Variants in SLC41A1 observed in about 807,000 individuals in gnomAD.
The protein encoded by SLC41A1 is solute carrier family 41 (magnesium transporter), member 1.
A neutral mutation model predicts 47.3 loss-of-function variants in SLC41A1; 20 were observed. The observed-to-expected ratio is 0.42, with a 90% CI of 0.30 to 0.61. The LOEUF (loss-of-function observed/expected upper bound fraction) is 0.61. Ranked by LOEUF, SLC41A1 falls within the 20% of genes least tolerant of loss-of-function variation. The pLI is 0.17. For missense variants in SLC41A1, 504 were observed against 674.1 expected (o/e 0.75, Z 2.79); for synonymous variants, 282 against 272.7 (o/e 1.03, Z -0.34).
In SLC41A1 at chr1:205,795,006, C is replaced by T. The variant is rs1055919390; in HGVS notation, c.1220G>A (p.Arg407His). Residue 407 changes from arginine to histidine, a missense_variant, in exon 10 of 11, where the codon CGC (arginine) becomes CAC (histidine). Transcript: ENST00000367137. ...GAGGAGGAAGAGGACCCGGGCTGAG[C>T]GAGAATTCACATCTGGAATTGGGGA... ...TTFFSPDVNS[R>H]SARVLFLLVV... 6.2e-6 allele frequency: 10 copies of T among 1,613,792 alleles called. No individual in the cohort carries two copies. Among genetic ancestry groups the T allele is most frequent in the Non-Finnish European group, 8.5e-6 (10 of 1,179,962 alleles).
intron 1 of SLC41A1, 81 bp from the exon 2 acceptor site, chr1:205,811,168 A>G (rs1656146586): frequency 6.5e-6 from 1 of 153,236 alleles, no homozygotes; most frequent in Non-Finnish European, 1.5e-5. Context: ...ATTTCCCCCC[A>G]AGGAAGTTAG....
At chr1:205,797,415 C>A (rs1447316202) in intron 7 of SLC41A1, among the ~76,000 whole-genome samples, 1 of 152,222 alleles carries the variant, frequency 6.6e-6, no homozygotes, top group Non-Finnish European at 1.5e-5. Flanking sequence ...GTGACAATGC[C>A]TCAATGATAG....
rs1243409756 is a variant in SLC41A1 at position 205,805,644 on chromosome 1, A to T, written c.372+4426T>A. Among the ~76,000 whole-genome samples the T allele has an allele frequency of 2.0e-5, 3 of 152,156 alleles. No homozygotes were observed. The East Asian group carries it at 5.8e-4, about 29-fold the overall frequency. ...CTACTTCTCAGAAATGCAGCTCCTC[A>T]TCTCTTTCCTTCTCTAACCTTGGTG... is the stretch of plus-strand genomic sequence containing the variant. On this transcript the variant is annotated intron_variant, in intron 2 of 10. Coordinates refer to ENST00000367137, the MANE Select transcript of SLC41A1 (RefSeq NM_173854.6).
At chr1:205,812,167 C>T (rs2102513728) in intron 1 of SLC41A1, among the ~76,000 whole-genome samples, 1 of 152,242 alleles carries the variant, frequency 6.6e-6, no homozygotes, top group Non-Finnish European at 1.5e-5. Context: ...CAGAAGAGCT[C>T]TTATTCGTAA....
chr1:205,799,001 C>T lies in SLC41A1; in HGVS notation c.653G>A (p.Cys218Tyr), dbSNP rs751534264. The T allele has an allele frequency of 6.2e-7, 1 of 1,614,068 alleles. No individual in the cohort carries two copies. The highest frequency in any genetic ancestry group is 1.7e-5 in the Admixed American group (1 of 60,024). The stretch of plus-strand genomic sequence containing the variant: ...GAAGGCTGTGGCCACGCTGCTAGCA[C>T]AGAGCAGGAAGGCGTGCGGAATACT... ...HFSIPHAFLLCASSVATAFIA... is the reference protein window; with the variant it reads ...HFSIPHAFLLYASSVATAFIA... Residue 218 changes from cysteine (C) to tyrosine (Y), a missense_variant, in exon 5 of 11, where the codon TGT (cysteine) becomes TAT (tyrosine). This residue lies in a region of SLC41A1 where 421 missense variants were observed against 601.6 expected (regional missense o/e 0.70). Transcript: ENST00000367137.
intron 2 of SLC41A1, among the ~76,000 whole-genome samples, chr1:205,804,454 G>T (rs1298795328): frequency 6.6e-6 from 1 of 152,146 alleles, no homozygotes; most frequent in Non-Finnish European, 1.5e-5. Context: ...GGGCTTCCAG[G>T]CAGCCAAAGG....
Position 205,790,871 on chromosome 1 carries a change from GGTT to G in SLC41A1, c.*659_*661del, listed in dbSNP as rs1655610408. On this transcript the variant is annotated 3_prime_UTR_variant, in exon 11 of 11. Transcript: ENST00000367137. ...TCAACTGGAAATGATCAGAGGGAGG[GGTT>G]GTTGATGTTGACCAGGCCATTGAAC... 1 of 155,060 alleles carries G rather than the reference GGTT, an allele frequency of 6.4e-6. No individual in the cohort carries two copies. 9.6% of individuals were successfully genotyped at this position (155,060 alleles called of 1,614,324 possible). A position where few individuals can be genotyped will look rare whatever the true frequency, so the allele number is the denominator to read the frequency against.
Position 205,798,721 on chromosome 1 carries a change from G to A in SLC41A1, c.792C>T (p.Leu264=), listed in dbSNP as rs769132128. The change falls in exon 6 of 11, where the codon CTC becomes CTT. Residue 264 remains leucine (L), a synonymous_variant. Transcript: ENST00000367137. ...TGCCTGAGAGCAGCGCCAAGGTGAT[G>A]AGGTCGCCCAGGCTGGCAGCAATGG... ...ATPIAASLGD[L]ITLALLSGIS... The A allele has an allele frequency of 9.3e-6, 15 of 1,614,214 alleles. No homozygotes were observed. The highest frequency in any genetic ancestry group is 8.9e-5 in the East Asian group (4 of 44,876).
intron 2 of SLC41A1, among the ~76,000 whole-genome samples, chr1:205,804,635 G>C (rs2102508322): frequency 6.6e-6 from 1 of 152,238 alleles, no homozygotes; most frequent in East Asian, 1.9e-4. Flanking sequence ...CTGCAGTCTG[G>C]CCTTGCTCTG....
At chr1:205,809,257 C>G (rs1453840045) in intron 2 of SLC41A1, among the ~76,000 whole-genome samples, 1 of 152,192 alleles carries the variant, frequency 6.6e-6, no homozygotes, top group East Asian at 1.9e-4. Context: ...TCCTGACTCA[C>G]AATAAATTAA....
intron 1 of SLC41A1, among the ~76,000 whole-genome samples, chr1:205,811,495 T>C (rs1334671109): frequency 6.6e-6 from 1 of 152,102 alleles, no homozygotes; most frequent in Non-Finnish European, 1.5e-5. Context: ...AGTTACAAAT[T>C]CAGTCACAAA....
rs776123205 is a variant in SLC41A1 at position 205,810,207 on chromosome 1, C to T, written c.235G>A (p.Val79Ile). ...GGCGCAGGGCCACGGTCTGTGCTGA[C>T]GTCGTCACTTTCGTTGCTCTGGCTC... ...NGSQSNESDD[V>I]STDRGPAPPS... The change falls in exon 2 of 11, where the codon GTC (valine) becomes ATC (isoleucine). Residue 79 changes from valine (V) to isoleucine (I), a missense_variant. By Grantham distance (29) the Val-to-Ile change is conservative. Around this residue, in one of 2 missense-constraint regions of SLC41A1, gnomAD observed 421 missense variants for 601.6 expected, o/e 0.70. Coordinates refer to ENST00000367137, the MANE Select transcript of SLC41A1 (RefSeq NM_173854.6). This position sits in a 1 kb window ranked among gnomAD's most constrained non-coding sequence, Gnocchi z 5.5. 5.6e-6 allele frequency: 9 copies of T among 1,614,250 alleles called. No homozygotes were observed. The East Asian group carries it at 6.7e-5, about 12-fold the overall frequency.
intron 6 of SLC41A1, among the ~76,000 whole-genome samples, chr1:205,798,361 TCATTTTGCAAG>T (rs1655796395): frequency 6.6e-6 from 1 of 152,146 alleles, no homozygotes; most frequent in Non-Finnish European, 1.5e-5. Context: ...ACCCGCTTCT[TCATTTTGCAAG>T]CAGATCTAAG....
At position 205,795,027 on chromosome 1, in the gene SLC41A1, G is replaced by C; in HGVS notation, c.1208-9C>G. The C allele has an allele frequency of 6.2e-7, 1 of 1,613,604 alleles. No individual in the cohort carries two copies. Among genetic ancestry groups the C allele is most frequent in the South Asian group, 1.1e-5 (1 of 91,072 alleles). On this transcript the variant is annotated splice_polypyrimidine_tract_variant and intron_variant, in intron 9 of 10. Transcript: ENST00000367137. ...TGAGCGAGAATTCACATCTGGAATT[G>C]GGGAAAAGAGGGTGTAAAGAGGAGG...
chr1:205,795,599 G>A (rs1655733063), intron 8 of SLC41A1, 121 bp from the exon 9 acceptor site: 17 of 1,263,818 alleles, frequency 1.3e-5, no homozygotes, highest in South Asian at 9.0e-5. Context: ...TTAATTTAGG[G>A]TCTATGTGGG....
rs1199931109 is a variant in SLC41A1 at position 205,791,209 on chromosome 1, G to A, written c.*324C>T. The A allele has an allele frequency of 2.5e-6, 1 of 399,404 alleles. No homozygotes were observed. The highest frequency in any genetic ancestry group is 2.2e-5 in the South Asian group (1 of 45,048). 24.7% of individuals were successfully genotyped at this position (399,404 alleles called of 1,614,324 possible). A position where few individuals can be genotyped will look rare whatever the true frequency, so the allele number is the denominator to read the frequency against. On this transcript the variant is annotated 3_prime_UTR_variant, in exon 11 of 11. Coordinates refer to ENST00000367137, the MANE Select transcript of SLC41A1 (RefSeq NM_173854.6). The surrounding 1 kb of genome is among the most constrained non-coding windows in gnomAD (Gnocchi z 4.0). Reference sequence around the variant, plus strand: ...ATTAGGGCCAAGACAGGTTGCTAAAGCCAAACCCCATGTCCCCAGATTCCA... The same window carrying A: ...ATTAGGGCCAAGACAGGTTGCTAAAACCAAACCCCATGTCCCCAGATTCCA...
Position 205,794,892 on chromosome 1 carries a change from TAGA to T in SLC41A1, c.1331_1333del (p.Phe444del). ...TACCTGGAGCAGTGCAGCTGTCATA[TAGA>T]AGATGATGAAGATGAGTGTGAGGGT... On this transcript the variant is annotated inframe_deletion, in exon 10 of 11. Coordinates refer to ENST00000367137, the MANE Select transcript of SLC41A1 (RefSeq NM_173854.6). The T allele has an allele frequency of 6.2e-7, 1 of 1,613,986 alleles. No individual in the cohort carries two copies. Among genetic ancestry groups the T allele is most frequent in the South Asian group, 1.1e-5 (1 of 91,072 alleles).
chr1:205,799,558 C>G (rs1655823770), intron 4 of SLC41A1, among the ~76,000 whole-genome samples: 1 of 152,142 alleles, frequency 6.6e-6, no homozygotes, highest in African/African-American at 2.4e-5. Flanking sequence ...AACTGAGAAC[C>G]AGAATGGGTG....
Position 205,797,856 on chromosome 1 carries a change from G to A in SLC41A1, c.992+48C>T, listed in dbSNP as rs373200329. On this transcript the variant is annotated intron_variant, in intron 7 of 10. Coordinates refer to ENST00000367137, the MANE Select transcript of SLC41A1 (RefSeq NM_173854.6). ...CTCCAGGGTTTAAAAAGAAGTCTGTGGAAGGGTTGGAGTGGGGTAGGAGTG... is the reference window on the plus strand; with the variant it reads ...CTCCAGGGTTTAAAAAGAAGTCTGTAGAAGGGTTGGAGTGGGGTAGGAGTG... 37 of 1,612,708 alleles carry A rather than the reference G, an allele frequency of 2.3e-5. No individual in the cohort carries two copies. The African/African-American group carries it at 4.5e-4, about 20-fold the overall frequency.
Sources: gnomAD v4.1 joint callset for allele counts (sites outside exome capture counted in the v4.1 genomes callset) on GRCh38, gnomAD v4.1.1 for gene constraint, gnomAD v4.1.1 regional missense constraint, Gnocchi (gnomAD v3.1) non-coding constraint, MANE v1.5 for transcripts, NCBI Gene and HGNC (gene_info 2026-07-23, HGNC 2026-07-21) for gene names.